Variants in SV2C observed in about 807,000 individuals in gnomAD.
SV2C encodes solute carrier family 22 member B3.
SV2C carries 49 observed loss-of-function variants against 79.7 expected under a neutral mutation model. That is an observed-to-expected ratio of 0.61 (90% CI 0.49 to 0.78). The LOEUF is 0.78. Ranked by LOEUF, SV2C falls within the 30% of genes least tolerant of loss-of-function variation. The probability of loss-of-function intolerance (pLI) is 0.00; values close to 1 mark genes in which losing one functional copy is unlikely to be tolerated. For synonymous variants in SV2C, 334 were observed against 333.2 expected (o/e 1.00, Z -0.03); for missense variants, 833 against 912.9 (o/e 0.91, Z 1.13).
the SV2C span, among the ~76,000 whole-genome samples, chr5:75,917,835 G>A: frequency 7.2e-5 from 11 of 152,064 alleles, no homozygotes; most frequent in Admixed American, 6.5e-5. Flanking sequence ...TGGATTGTTT[G>A]TTACTCAAAG....
the SV2C span, among the ~76,000 whole-genome samples, chr5:76,021,892 A>G: frequency 6.6e-6 from 1 of 152,166 alleles, no homozygotes; most frequent in Non-Finnish European, 1.5e-5. Context: ...AGTAAAAGTT[A>G]CTTCATCCTG....
chr5:76,241,091 G>C (rs909529059), intron 4 of SV2C, among the ~76,000 whole-genome samples: 1 of 151,950 alleles, frequency 6.6e-6, no homozygotes, highest in Non-Finnish European at 1.5e-5. Flanking sequence ...CGAGTAGCTG[G>C]GACTACAAGC....
chr5:75,979,280 G>A, the SV2C span, among the ~76,000 whole-genome samples: 1 of 151,998 alleles, frequency 6.6e-6, no homozygotes, highest in Non-Finnish European at 1.5e-5. Context: ...TATAGTAATA[G>A]TGGGAGACTT....
chr5:76,038,376 TTTGGAGCCAAGCAGATC>T, the SV2C span, among the ~76,000 whole-genome samples: 1 of 152,154 alleles, frequency 6.6e-6, no homozygotes, highest in Non-Finnish European at 1.5e-5. Context: ...TAGTATGGGT[TTTGGAGCCAAGCAGATC>T]TTGGCCAGAA....
chr5:75,933,195 A>G, the SV2C span, among the ~76,000 whole-genome samples: 1 of 152,158 alleles, frequency 6.6e-6, no homozygotes, highest in Non-Finnish European at 1.5e-5. Context: ...CCCCCGCATC[A>G]TCACCAACCT....
At chr5:76,050,237 T>A in the SV2C span, among the ~76,000 whole-genome samples, 1 of 152,212 alleles carries the variant, frequency 6.6e-6, no homozygotes. Flanking sequence ...ATGAAAATGC[T>A]TAGTGTTAAA....
the SV2C span, among the ~76,000 whole-genome samples, chr5:76,047,598 G>C: frequency 6.6e-6 from 1 of 151,918 alleles, no homozygotes; most frequent in Non-Finnish European, 1.5e-5. Context: ...AAAATATTAT[G>C]CTATTAATGG....
Position 76,189,312 on chromosome 5 carries a change from T to A in SV2C, c.581-5607T>A, listed in dbSNP as rs538301523. On this transcript the variant is annotated intron_variant, in intron 2 of 12. Transcript: ENST00000502798. Reference sequence around the variant, plus strand: ...GTCCCTGCTCCTGGAACCCCAAAATTGTTGGCTGAGTGTGGTCTTCCCTTG... The same window carrying A: ...GTCCCTGCTCCTGGAACCCCAAAATAGTTGGCTGAGTGTGGTCTTCCCTTG... Among the ~76,000 whole-genome samples the A allele has an allele frequency of 1.6e-4, 24 of 152,086 alleles. No individual in the cohort carries two copies. The South Asian group carries it at 5.0e-3, about 32-fold the overall frequency.
intron 2 of SV2C, among the ~76,000 whole-genome samples, chr5:76,172,294 G>C (rs1743319137): frequency 8.1e-6 from 1 of 122,854 alleles, no homozygotes; most frequent in Non-Finnish European, 1.8e-5. Flanking sequence ...GAGGTGGGGG[G>C]GGGGGTCAGC....
chr5:75,965,277 CA>C, the SV2C span, among the ~76,000 whole-genome samples: 1 of 152,250 alleles, frequency 6.6e-6, no homozygotes, highest in South Asian at 2.1e-4. Flanking sequence ...AACTCATTAA[CA>C]ATAGTTCTTG....
intron 4 of SV2C, among the ~76,000 whole-genome samples, chr5:76,234,079 C>T (rs7722883): frequency 0.12 from 17,895 of 152,058 alleles, 3,062 homozygotes; most frequent in African/African-American, 0.38. Flanking sequence ...ATGTTATTTG[C>T]TTAATATGTC....
chr5:76,300,159 T>A (rs1403483021), intron 10 of SV2C, among the ~76,000 whole-genome samples: 1 of 39,730 alleles, frequency 2.5e-5, no homozygotes, highest in Non-Finnish European at 6.5e-5. Flanking sequence ...AATAAAAAAT[T>A]ATTATTATTA....
At chr5:76,228,303 A>G (rs2112392797) in intron 4 of SV2C, among the ~76,000 whole-genome samples, 1 of 152,296 alleles carries the variant, frequency 6.6e-6, no homozygotes, top group Admixed American at 6.5e-5. Context: ...TAATGGTTTG[A>G]ACAGGGCTGA....
the SV2C span, among the ~76,000 whole-genome samples, chr5:76,066,453 T>G: frequency 2.0e-4 from 7 of 34,400 alleles, no homozygotes; most frequent in Admixed American, 8.8e-4. Context: ...TGTCTTGGGG[T>G]GGGGGGAGGG....
At chr5:75,906,136 G>A in the SV2C span, among the ~76,000 whole-genome samples, 4 of 151,968 alleles carry the variant, frequency 2.6e-5, no homozygotes, top group South Asian at 4.2e-4. Flanking sequence ...CCCAGTAGAT[G>A]ACAGTAACAA....
chr5:76,268,491 G>A (rs945476815), intron 4 of SV2C, among the ~76,000 whole-genome samples: 1 of 152,218 alleles, frequency 6.6e-6, no homozygotes, highest in Admixed American at 6.5e-5. Context: ...AGCTTTATTG[G>A]TGTAAACTTG....
intron 2 of SV2C, among the ~76,000 whole-genome samples, chr5:76,137,640 C>T (rs1240683279): frequency 6.6e-6 from 1 of 152,190 alleles, no homozygotes; most frequent in African/African-American, 2.4e-5. Context: ...CCCAAAATAA[C>T]TAACAGCCAG....
the SV2C span, among the ~76,000 whole-genome samples, chr5:76,068,337 T>G: frequency 6.6e-6 from 1 of 152,204 alleles, no homozygotes; most frequent in East Asian, 1.9e-4. Context: ...CATATGATTA[T>G]TATTAATGTA....
chr5:75,950,390 T>C, the SV2C span, among the ~76,000 whole-genome samples: 1 of 152,012 alleles, frequency 6.6e-6, no homozygotes, highest in Non-Finnish European at 1.5e-5. Flanking sequence ...AGGGGATGAA[T>C]TAGGAAGTTA....
Sources: gnomAD v4.1 joint callset for allele counts (sites outside exome capture counted in the v4.1 genomes callset) on GRCh38, gnomAD v4.1.1 for gene constraint, MANE v1.5 for transcripts, NCBI Gene and HGNC (gene_info 2026-07-23, HGNC 2026-07-21) for gene names.